Variants in C11orf65 observed in about 807,000 individuals in gnomAD.
The protein encoded by C11orf65 is chromosome 11 open reading frame 65.
Under a neutral mutation model 35.3 loss-of-function variants are expected in C11orf65, and 38 were observed. The observed-to-expected ratio is 1.08, with a 90% CI of 0.83 to 1.41. The LOEUF (loss-of-function observed/expected upper bound fraction) is 1.41, where lower values mean the gene tolerates loss of function less well. Among genes scored for constraint, C11orf65 ranks in the 40% most tolerant of loss-of-function variants. The pLI is 0.00. For missense variants in C11orf65, 370 were observed against 367.1 expected (o/e 1.01, Z -0.06); for synonymous variants, 105 against 114.4 (o/e 0.92, Z 0.53).
chr11:108,449,816 C>T (rs1012309228), intron 2 of C11orf65, among the ~76,000 whole-genome samples: 3 of 151,908 alleles, frequency 2.0e-5, no homozygotes, highest in African/African-American at 4.9e-5. Flanking sequence ...AGCTTCTGCA[C>T]AGCAAAAGAA....
intron 2 of C11orf65, among the ~76,000 whole-genome samples, chr11:108,375,276 A>C (rs554949301): frequency 5.3e-5 from 8 of 152,262 alleles, no homozygotes; most frequent in Admixed American, 4.6e-4. Flanking sequence ...CCATCAGACT[A>C]ACAGCGGATC....
At chr11:108,356,748 T>A (rs17107980) in intron 2 of C11orf65, among the ~76,000 whole-genome samples, 3,330 of 152,220 alleles carry the variant, frequency 0.022, 93 homozygotes, top group African/African-American at 0.069. Context: ...TCTTACTAGT[T>A]TAATGCCAAA....
In C11orf65 at chr11:108,335,278, AT is replaced by A; in HGVS notation, c.240del (p.Met81TrpfsTer7). ...ATTTTCTAGAACCAGGCTTTTCTCC[AT>A]TTTTTTTGTGTCTCTGAAAGACAAT... is the stretch of plus-strand genomic sequence containing the variant. On this transcript the variant is annotated frameshift_variant, in exon 3 of 4. Coordinates refer to the C11orf65 transcript ENST00000524755. LOFTEE classifies it high-confidence loss of function. The A allele has an allele frequency of 4.1e-5, 63 of 1,518,470 alleles. No homozygotes were observed. The highest frequency in any genetic ancestry group is 1.7e-4 in the Middle Eastern group (1 of 5,900). The allele number at this position is 1,518,470 out of a possible 1,614,324, so 94.1% of individuals were successfully genotyped here.
intron 2 of C11orf65, among the ~76,000 whole-genome samples, chr11:108,449,371 C>T (rs1388543143): frequency 6.6e-6 from 1 of 151,934 alleles, no homozygotes; most frequent in Non-Finnish European, 1.5e-5. Flanking sequence ...CATCACACTA[C>T]CTGACTTCAA....
chr11:108,365,268 A>T (rs2137895343), intron 2 of C11orf65: 3 of 1,614,140 alleles, frequency 1.9e-6, no homozygotes, highest in Non-Finnish European at 2.5e-6. Context: ...AGATTTTCTT[A>T]TTCCCAAGGC....
At chr11:108,337,195 A>G (rs2136740746) in intron 2 of C11orf65, among the ~76,000 whole-genome samples, 1 of 152,348 alleles carries the variant, frequency 6.6e-6, no homozygotes, top group South Asian at 2.1e-4. Flanking sequence ...GAGACTAAAT[A>G]TAAAACTTAT....
chr11:108,332,906 T>G lies in C11orf65; in HGVS notation c.300-1339A>C, dbSNP rs1591179460. 4 of 1,609,706 alleles carry G rather than the reference T, an allele frequency of 2.5e-6. No individual in the cohort carries two copies. The highest frequency in any genetic ancestry group is 3.4e-6 in the Non-Finnish European group (4 of 1,178,354). On this transcript the variant is annotated intron_variant, in intron 3 of 3. Coordinates refer to the C11orf65 transcript ENST00000524755. ...TCAGTGGAAGACTCAGAGAAGTATG[T>G]TTTTTTTAAAGAAGAAACGTTACTT...
intron 2 of C11orf65, among the ~76,000 whole-genome samples, chr11:108,455,815 C>CAAAAAAAAAA (rs112701513): frequency 7.1e-5 from 4 of 56,154 alleles, no homozygotes; most frequent in Admixed American, 5.3e-4. Flanking sequence ...GACTCCACCT[C>CAAAAAAAAAA]AAAAAAAAAA....
upstream of C11orf65, among the ~76,000 whole-genome samples, chr11:108,468,787 A>G (rs1373728558): frequency 6.6e-6 from 1 of 152,190 alleles, no homozygotes; most frequent in African/African-American, 2.4e-5. Context: ...TTAATTTTCA[A>G]TCTAATAGAA....
downstream of C11orf65, among the ~76,000 whole-genome samples, chr11:108,378,151 C>T (rs534923703): frequency 7.7e-4 from 116 of 150,090 alleles, no homozygotes; most frequent in South Asian, 1.5e-3. Context: ...CATATGGAAC[C>T]AAAAAGGGCC....
At chr11:108,403,409 G>GTTTTTTTTTTTTTTATTTTTTTT (rs71047691) in intron 6 of C11orf65, among the ~76,000 whole-genome samples, 1 of 67,310 alleles carries the variant, frequency 1.5e-5, no homozygotes, top group Non-Finnish European at 2.8e-5. Context: ...TGTTTGAGAG[G>GTTTTTTTTTTTTTTATTTTTTTT]TTTTTTTTTT....
intron 2 of C11orf65, among the ~76,000 whole-genome samples, chr11:108,351,623 T>C (rs931826566): frequency 6.6e-6 from 1 of 152,210 alleles, no homozygotes; most frequent in Non-Finnish European, 1.5e-5. Flanking sequence ...CACTCCCATG[T>C]GGCCTCTCTG....
rs200394552 is a variant in C11orf65, at chr11:108,406,751, C to T, written c.429+12G>A. The T allele has an allele frequency of 1.4e-5, 22 of 1,529,926 alleles. No homozygotes were observed. The East Asian group carries it at 5.0e-4, about 35-fold the overall frequency. The allele number at this position is 1,529,926 out of a possible 1,614,324, so 94.8% of individuals were successfully genotyped here. A position where few individuals can be genotyped will look rare whatever the true frequency, so the allele number is the denominator to read the frequency against. On this transcript the variant is annotated intron_variant, in intron 5 of 8. Transcript: ENST00000393084. ...TACGTAAGGTTAAAAATTAACATTT[C>T]TCTTTTCTTACTGTATCAGAAACTG...
intron 6 of C11orf65, among the ~76,000 whole-genome samples, chr11:108,396,675 C>CAAA (rs199504893): frequency 6.7e-6 from 1 of 148,390 alleles, no homozygotes; most frequent in Non-Finnish European, 1.5e-5. Context: ...ACTAAAAATA[C>CAAA]AAAAAAAAAT....
At chr11:108,449,465 C>G (rs1290651905) in intron 2 of C11orf65, among the ~76,000 whole-genome samples, 3 of 151,926 alleles carry the variant, frequency 2.0e-5, no homozygotes, top group African/African-American at 4.8e-5. Flanking sequence ...AGAACAGAGT[C>G]CTCAGAAATA....
chr11:108,464,160 C>G (rs2093504817), intron 1 of C11orf65, among the ~76,000 whole-genome samples: 1 of 152,166 alleles, frequency 6.6e-6, no homozygotes. Context: ...CTGCTGGCCT[C>G]AAGAAATCCA....
intron 8 of C11orf65, 56 bp downstream of exon 8, chr11:108,385,864 G>T: frequency 7.4e-7 from 1 of 1,354,072 alleles, no homozygotes; most frequent in South Asian, 1.2e-5. Context: ...TACGTGTGTG[G>T]AATGTATTTT....
At chr11:108,371,790 T>C (rs2091583087) in intron 2 of C11orf65, among the ~76,000 whole-genome samples, 1 of 152,210 alleles carries the variant, frequency 6.6e-6, no homozygotes, top group East Asian at 1.9e-4. Context: ...ATTTTTAACT[T>C]TTTAAGGAGC....
chr11:108,447,820 G>C (rs552088299), intron 2 of C11orf65, among the ~76,000 whole-genome samples: 49 of 152,044 alleles, frequency 3.2e-4, no homozygotes, highest in Non-Finnish European at 6.3e-4. Flanking sequence ...CACAAAAAAC[G>C]CTTCAAAAAA....
Sources: allele counts gnomAD v4.1 joint callset (sites outside exome capture counted in the v4.1 genomes callset), GRCh38; gene constraint gnomAD v4.1.1; transcripts MANE v1.5; gene names NCBI Gene and HGNC (gene_info 2026-07-23, HGNC 2026-07-21).